Variants in RNF38 observed in about 807,000 individuals in gnomAD.
RNF38 encodes the protein ring finger protein 38.
A neutral mutation model predicts 67.2 loss-of-function variants in RNF38; 15 were observed. The observed-to-expected ratio is 0.22, with a 90% CI of 0.15 to 0.34. The LOEUF (loss-of-function observed/expected upper bound fraction) is 0.34, where lower values mean the gene tolerates loss of function less well. Ranked by LOEUF, RNF38 falls within the 10% of genes least tolerant of loss-of-function variation. The pLI is 1.00. For synonymous variants in RNF38, 220 were observed against 218.8 expected (o/e 1.01, Z -0.05); for missense variants, 524 against 639.9 (o/e 0.82, Z 1.95).
At chr9:36,366,911 TG>T (rs1564013327) in intron 4 of RNF38, among the ~76,000 whole-genome samples, 1 of 152,166 alleles carries the variant, frequency 6.6e-6, no homozygotes, top group Non-Finnish European at 1.5e-5. Flanking sequence ...AGGGAGAAAT[TG>T]CCCCTGCTTT....
chr9:36,360,604 C>T (rs1350590260), intron 4 of RNF38, among the ~76,000 whole-genome samples: 1 of 152,180 alleles, frequency 6.6e-6, no homozygotes, highest in Non-Finnish European at 1.5e-5. Flanking sequence ...TTCAGATACT[C>T]AAATTAGGGG....
chr9:36,453,405 C>T (rs140550527), intron 1 of RNF38, among the ~76,000 whole-genome samples: 4,696 of 144,462 alleles, frequency 0.033, 230 homozygotes, highest in African/African-American at 0.11. Context: ...TTTTTTGAGA[C>T]GGAGTCTCAC....
intron 2 of RNF38, among the ~76,000 whole-genome samples, chr9:36,384,900 A>G (rs1455100834): frequency 4.6e-5 from 7 of 152,228 alleles, no homozygotes; most frequent in African/African-American, 1.2e-4. Flanking sequence ...TATACAGTGC[A>G]GTGGTGGTTC....
rs1833831154 is a variant in RNF38 at position 36,353,189 on chromosome 9, T to A, written c.1052A>T (p.Gln351Leu). 1 of 1,613,958 alleles carries A rather than the reference T, an allele frequency of 6.2e-7. No homozygotes were observed. The highest frequency in any genetic ancestry group is 8.5e-7 in the Non-Finnish European group (1 of 1,180,004). ...ACTTACTACTCCAAAGGACACCTCC[T>A]GATGCAAAGGATCATGTGTTAAGAA... ...LQFLTHDPLH[Q>L]EVSFGVPYPP... The change falls in exon 7 of 12, where the codon CAG becomes CTG. Residue 351 changes from glutamine (Q) to leucine (L), a missense_variant. This residue lies in a region of RNF38 where 461 missense variants were observed against 517.4 expected (regional missense o/e 0.89). Coordinates refer to ENST00000259605, the MANE Select transcript of RNF38 (RefSeq NM_022781.5).
chr9:36,432,950 T>C (rs1838966911), intron 1 of RNF38, among the ~76,000 whole-genome samples: 1 of 152,214 alleles, frequency 6.6e-6, no homozygotes, highest in Non-Finnish European at 1.5e-5. Flanking sequence ...ACACTTATTT[T>C]ACAATTTAGT....
intron 1 of RNF38, among the ~76,000 whole-genome samples, chr9:36,482,684 T>C (rs1197979220): frequency 6.6e-6 from 1 of 152,174 alleles, no homozygotes; most frequent in Non-Finnish European, 1.5e-5. Flanking sequence ...GCTTATTCTG[T>C]ACATATTTCT....
chr9:36,370,849 T>TA (rs145971158), intron 3 of RNF38, among the ~76,000 whole-genome samples: 6,035 of 151,818 alleles, frequency 0.04, 216 homozygotes, highest in East Asian at 0.12. Context: ...GCCGAGGCTG[T>TA]AGTGAGCTGA....
chr9:36,425,565 A>G (rs1475609233), intron 1 of RNF38, among the ~76,000 whole-genome samples: 6 of 152,012 alleles, frequency 3.9e-5, no homozygotes, highest in Middle Eastern at 3.4e-3. Context: ...GTGGTGGCGC[A>G]CCCCTGTAAT....
intron 2 of RNF38, among the ~76,000 whole-genome samples, chr9:36,408,841 A>G (rs1838246383): frequency 6.6e-6 from 1 of 152,230 alleles, no homozygotes; most frequent in African/African-American, 2.4e-5. Flanking sequence ...AGCCAGTGAA[A>G]TAAGGACTTA....
At chr9:36,397,020 TG>T (rs1837563044) in intron 1 of RNF38, among the ~76,000 whole-genome samples, 1 of 147,664 alleles carries the variant, frequency 6.8e-6, no homozygotes, top group Non-Finnish European at 1.5e-5. Flanking sequence ...TATGTGTGTG[TG>T]TGTGTATATA....
chr9:36,340,257 G>A (rs1307136883), intron 11 of RNF38, among the ~76,000 whole-genome samples: 2 of 152,170 alleles, frequency 1.3e-5, no homozygotes, highest in African/African-American at 4.8e-5. Context: ...GGGATTACAG[G>A]CGTGAGCCAC....
At chr9:36,352,214 C>G (rs1006664037) in intron 8 of RNF38, among the ~76,000 whole-genome samples, 2 of 151,814 alleles carry the variant, frequency 1.3e-5, no homozygotes, top group Non-Finnish European at 2.9e-5. Context: ...GCAGGAAAAT[C>G]GCTGGAACCT....
chr9:36,410,619 G>A (rs774980633), intron 2 of RNF38, among the ~76,000 whole-genome samples: 3 of 152,218 alleles, frequency 2.0e-5, no homozygotes, highest in African/African-American at 4.8e-5. Context: ...AGGCAGAACC[G>A]AGGCAGGAAT....
chr9:36,349,411 C>T (rs989885588), intron 9 of RNF38, among the ~76,000 whole-genome samples: 2 of 152,146 alleles, frequency 1.3e-5, no homozygotes, highest in African/African-American at 2.4e-5. Flanking sequence ...CCTGGTTGGA[C>T]ATTTTGTGTC....
chr9:36,370,463 G>A (rs780694139), intron 3 of RNF38, among the ~76,000 whole-genome samples: 3 of 151,946 alleles, frequency 2.0e-5, no homozygotes, highest in Non-Finnish European at 2.9e-5. Context: ...GCTGACAACC[G>A]CAAATAGAAA....
chr9:36,346,585 G>A (rs1211542008), intron 9 of RNF38, among the ~76,000 whole-genome samples: 1 of 152,020 alleles, frequency 6.6e-6, no homozygotes, highest in Non-Finnish European at 1.5e-5. Context: ...TGCCTTTTGT[G>A]GACTGCTTTT....
At chr9:36,481,806 T>G (rs971963073) in intron 1 of RNF38, among the ~76,000 whole-genome samples, 1 of 151,842 alleles carries the variant, frequency 6.6e-6, no homozygotes, top group Non-Finnish European at 1.5e-5. Flanking sequence ...CCCCCTCCTC[T>G]CTCTCCAAGA....
intron 3 of RNF38, among the ~76,000 whole-genome samples, chr9:36,375,639 T>C (rs1244572053): frequency 1.3e-5 from 2 of 152,220 alleles, no homozygotes; most frequent in Non-Finnish European, 2.9e-5. Flanking sequence ...CATCTTCTAA[T>C]AGTCAAGATC....
chr9:36,444,352 T>C (rs1482394873), intron 1 of RNF38, among the ~76,000 whole-genome samples: 1 of 152,162 alleles, frequency 6.6e-6, no homozygotes, highest in South Asian at 2.1e-4. Context: ...AGCTAATGGA[T>C]GCTGGGCTTA....
Sources: allele counts gnomAD v4.1 joint callset (sites outside exome capture counted in the v4.1 genomes callset), GRCh38; gene constraint gnomAD v4.1.1; regional missense constraint gnomAD v4.1.1; transcripts MANE v1.5; gene names NCBI Gene and HGNC (gene_info 2026-07-23, HGNC 2026-07-21).